Variants in KLRC2 observed in about 807,000 individuals in gnomAD.
KLRC2 encodes killer cell lectin like receptor C2, also known as NKG2-C type II integral membrane protein.
In KLRC2, 10 loss-of-function variants were observed where a neutral mutation model predicts 25.5. The observed-to-expected ratio is 0.39, with a 90% CI of 0.24 to 0.67. The LOEUF (loss-of-function observed/expected upper bound fraction) is 0.67, where lower values mean the gene tolerates loss of function less well. KLRC2 is among the 30% of genes least tolerant of loss of function. The probability of loss-of-function intolerance (pLI) is 0.45; values close to 1 mark genes in which losing one functional copy is unlikely to be tolerated. For missense variants in KLRC2, 170 were observed against 272.8 expected (o/e 0.62, Z 2.65); for synonymous variants, 48 against 93.3 (o/e 0.51, Z 2.80).
intron 5 of KLRC2, among the ~76,000 whole-genome samples, chr12:10,431,588 T>C (rs1425195728): frequency 7.1e-6 from 1 of 141,696 alleles, no homozygotes; most frequent in African/African-American, 2.7e-5. Flanking sequence ...CCAACAGCAC[T>C]ATTATTGTGC....
chr12:10,434,056 AC>A, intron 3 of KLRC2, 114 bp from the exon 4 acceptor site: 1 of 1,392,206 alleles, frequency 7.2e-7, no homozygotes, highest in Non-Finnish European at 9.7e-7. Context: ...ACGCATCCTT[AC>A]AGGCTTATAA....
intron 3 of KLRC2, 166 bp downstream of exon 3, chr12:10,434,320 C>T: frequency 3.3e-6 from 2 of 607,526 alleles, no homozygotes; most frequent in Non-Finnish European, 6.1e-6. Flanking sequence ...AGTATTTCTA[C>T]TCACTGGAGA....
Position 10,435,291 on chromosome 12 carries a change from ATCTTT to A in KLRC2, c.286+16_286+20del, listed in dbSNP as rs1247407732. 1.2e-6 allele frequency: 2 copies of A among 1,611,444 alleles called. No individual in the cohort carries two copies. The highest frequency in any genetic ancestry group is 2.7e-5 in the African/African-American group (2 of 74,144). ...CATTAAAGTAAAACGTTCCCTTCTA[ATCTTT>A]CAAGAATATGCTTACAAGGAATAAG... On this transcript the variant is annotated intron_variant, in intron 2 of 5. Coordinates refer to ENST00000381902, the MANE Select transcript of KLRC2 (RefSeq NM_002260.4).
Position 10,435,971 on chromosome 12 carries a change from C to T in KLRC2, c.16G>A (p.Gly6Arg), listed in dbSNP as rs774199589. MNKQR[G>R]TFSEVSLAQD... ...GCCAGACTCACTTCTGAGAAGGTTC[C>T]TCTTTGTTTATTCATCTCTGCAGCT... is the stretch of plus-strand genomic sequence containing the variant. The change falls in exon 1 of 6, where the codon GGA becomes AGA. Residue 6 changes from glycine (G) to arginine (R), a missense_variant. Gly to Arg is a moderately radical substitution (Grantham distance 125). This residue lies in a region of KLRC2 where 37 missense variants were observed against 68.0 expected (regional missense o/e 0.54). Transcript: ENST00000381902. 5 of 1,607,148 alleles carry T rather than the reference C, an allele frequency of 3.1e-6. No homozygotes were observed. Among genetic ancestry groups the T allele is most frequent in the Non-Finnish European group, 4.2e-6 (5 of 1,176,958 alleles).
chr12:10,434,268 C>G, intron 3 of KLRC2: 1 of 583,286 alleles, frequency 1.7e-6, no homozygotes, highest in Non-Finnish European at 3.2e-6. Context: ...CAGTAGGAAA[C>G]CTCTGTTAAT....
At chr12:10,434,356 T>C (rs1863847124) in intron 3 of KLRC2, 130 bp downstream of exon 3, 2 of 701,726 alleles carry the variant, frequency 2.9e-6, no homozygotes, top group Non-Finnish European at 5.0e-6. Flanking sequence ...TCATAATCTT[T>C]CTTTATAAAT....
At chr12:10,433,466 C>T (rs550739365) in intron 4 of KLRC2, among the ~76,000 whole-genome samples, 1 of 142,178 alleles carries the variant, frequency 7.0e-6, no homozygotes, top group Admixed American at 6.9e-5. Context: ...ATTTCATGAT[C>T]TGACTTGTAT....
In KLRC2 at chr12:10,434,300, A is replaced by T. The variant is rs1331955003; in HGVS notation, c.331+186T>A. The stretch of plus-strand genomic sequence containing the variant: ...TAATTGGGAGAAAGAGGGTAGAATG[A>T]TTTTAAGTGAGTATTTCTACTCACT... On this transcript the variant is annotated intron_variant, in intron 3 of 5. Coordinates refer to ENST00000381902, the MANE Select transcript of KLRC2 (RefSeq NM_002260.4). 5 of 592,988 alleles carry T rather than the reference A, an allele frequency of 8.4e-6. No homozygotes were observed. In the Admixed American group the frequency reaches 1.1e-4, roughly 13 times the overall value. 36.7% of individuals were successfully genotyped at this position (592,988 alleles called of 1,614,324 possible). A position where few individuals can be genotyped will look rare whatever the true frequency, so the allele number is the denominator to read the frequency against.
At position 10,432,139 on chromosome 12, in the gene KLRC2, C is replaced by T. The variant is rs771158909; in HGVS notation, c.551G>A (p.Trp184Ter). The T allele has an allele frequency of 1.2e-5, 18 of 1,531,486 alleles. 3 individuals are homozygous for T. The South Asian group carries it at 2.0e-4, about 17-fold the overall frequency. 94.9% of individuals were successfully genotyped at this position (1,531,486 alleles called of 1,614,324 possible). A position where few individuals can be genotyped will look rare whatever the true frequency, so the allele number is the denominator to read the frequency against. Reference sequence around the variant, plus strand: ...GAAAGCCAAACCATTTATTGTCACCCATGGATGATGACTGCTGTTACGAAA... The same window carrying T: ...GAAAGCCAAACCATTTATTGTCACCTATGGATGATGACTGCTGTTACGAAA... ...GVFRNSSHHP[W>*]VTINGLAFKH... Residue 184 changes from tryptophan to a stop codon, truncating the protein, a stop_gained, in exon 5 of 6, where the codon TGG becomes TAG. Coordinates refer to ENST00000381902, the MANE Select transcript of KLRC2 (RefSeq NM_002260.4). LOFTEE classifies it low-confidence loss of function (END_TRUNC).
chr12:10,432,860 A>T (rs1863830019), intron 4 of KLRC2, among the ~76,000 whole-genome samples: 1 of 136,724 alleles, frequency 7.3e-6, no homozygotes, highest in South Asian at 2.3e-4. Context: ...TGAGCATGTT[A>T]AGTCCTCCAC....
chr12:10,435,589 C>T (rs1307642124), intron 1 of KLRC2, among the ~76,000 whole-genome samples, 179 bp from the exon 2 acceptor site: 1 of 143,618 alleles, frequency 7.0e-6, no homozygotes, highest in Non-Finnish European at 1.5e-5. Context: ...ATTTCATTTT[C>T]AGTAAATATA....
At position 10,431,069 on chromosome 12, in the gene KLRC2, A is replaced by G. The variant is rs763207462; in HGVS notation, c.*48T>C. On this transcript the variant is annotated 3_prime_UTR_variant, in exon 6 of 6. Coordinates refer to ENST00000381902, the MANE Select transcript of KLRC2 (RefSeq NM_002260.4). ...ATGCAATCATAATATTTCTATTTTA[A>G]GAAATATAAAATGTATCTGATGCAC... is the stretch of plus-strand genomic sequence containing the variant. 1.5e-5 allele frequency: 19 copies of G among 1,286,526 alleles called. 6 individuals carry two copies. The East Asian group carries it at 4.9e-4, about 33-fold the overall frequency. The allele number at this position is 1,286,526 out of a possible 1,614,324, so 79.7% of individuals were successfully genotyped here. A position where few individuals can be genotyped will look rare whatever the true frequency, so the allele number is the denominator to read the frequency against.
In KLRC2 at chr12:10,434,072, A is replaced by G. The variant is rs548566221; in HGVS notation, c.332-130T>C. 57 of 1,324,892 alleles carry G rather than the reference A, an allele frequency of 4.3e-5. 8 individuals are homozygous for G. The highest frequency in any genetic ancestry group is 2.3e-5 in the Admixed American group (1 of 43,984). 82.1% of individuals were successfully genotyped at this position (1,324,892 alleles called of 1,614,324 possible). A position where few individuals can be genotyped will look rare whatever the true frequency, so the allele number is the denominator to read the frequency against. On this transcript the variant is annotated intron_variant, in intron 3 of 5. Coordinates refer to ENST00000381902, the MANE Select transcript of KLRC2 (RefSeq NM_002260.4). ...CGCATCCTTACAGGCTTATAAATGT[A>G]TATTTTTAATAACTGAGTCAGTCAT...
At chr12:10,434,184 C>A (rs571048586) in intron 3 of KLRC2, 2 of 698,120 alleles carry the variant, frequency 2.9e-6, no homozygotes, top group Non-Finnish European at 4.8e-6. Context: ...ACACTCTACA[C>A]ATGTGTTGAA....
Position 10,435,641 on chromosome 12 carries a change from C to T in KLRC2, c.187+159G>A, listed in dbSNP as rs562844385. On this transcript the variant is annotated intron_variant, in intron 1 of 5. Coordinates refer to ENST00000381902, the MANE Select transcript of KLRC2 (RefSeq NM_002260.4). ...CCGCAGATTACAGTTGAACAATGCCCGAATAAAATTAGTCTTCTGATTTCA... is the reference window on the plus strand; with the variant it reads ...CCGCAGATTACAGTTGAACAATGCCTGAATAAAATTAGTCTTCTGATTTCA... Among the ~76,000 whole-genome samples, 27 of 141,450 alleles carry T rather than the reference C, an allele frequency of 1.9e-4. 4 individuals are homozygous for T. Among genetic ancestry groups the T allele is most frequent in the East Asian group, 8.4e-4 (4 of 4,738 alleles). 92.8% of individuals were successfully genotyped at this position (141,450 alleles called of 152,430 possible). A position where few individuals can be genotyped will look rare whatever the true frequency, so the allele number is the denominator to read the frequency against.
In KLRC2 at chr12:10,431,073, A is replaced by G; in HGVS notation, c.*44T>C. 7.7e-7 allele frequency: 1 copy of G among 1,302,070 alleles called. No individual in the cohort carries two copies. Among genetic ancestry groups the G allele is most frequent in the South Asian group, 1.3e-5 (1 of 77,920 alleles). 80.7% of individuals were successfully genotyped at this position (1,302,070 alleles called of 1,614,324 possible). ...AATCATAATATTTCTATTTTAAGAAATATAAAATGTATCTGATGCACTGCA... is the reference window on the plus strand; with the variant it reads ...AATCATAATATTTCTATTTTAAGAAGTATAAAATGTATCTGATGCACTGCA... On this transcript the variant is annotated 3_prime_UTR_variant, in exon 6 of 6. Transcript: ENST00000381902.
In KLRC2 at chr12:10,435,608, T is replaced by C. The variant is rs1272821992; in HGVS notation, c.187+192A>G. 6.3e-5 allele frequency among the ~76,000 whole-genome samples: 9 copies of C among 142,196 alleles called. 1 individual carries two copies. Among genetic ancestry groups the C allele is most frequent in the African/African-American group, 2.4e-4 (9 of 37,232 alleles). 93.3% of individuals were successfully genotyped at this position (142,196 alleles called of 152,430 possible). A position where few individuals can be genotyped will look rare whatever the true frequency, so the allele number is the denominator to read the frequency against. ...CATTTTCAGTAAATATAATGTTCCA[T>C]GAGTGGACCGCAGATTACAGTTGAA... On this transcript the variant is annotated intron_variant, in intron 1 of 5. Coordinates refer to ENST00000381902, the MANE Select transcript of KLRC2 (RefSeq NM_002260.4).
chr12:10,431,560 A>G (rs796754666), intron 5 of KLRC2, among the ~76,000 whole-genome samples: 1 of 141,772 alleles, frequency 7.1e-6, no homozygotes. Context: ...CTAATAATAA[A>G]AAAATTATAG....
chr12:10,433,176 G>A (rs1452025839), intron 4 of KLRC2, among the ~76,000 whole-genome samples: 1 of 141,576 alleles, frequency 7.1e-6, no homozygotes, highest in East Asian at 2.1e-4. Flanking sequence ...CCCATCCAGA[G>A]ACAAGGACTC....
Sources: gnomAD v4.1 joint callset for allele counts (sites outside exome capture counted in the v4.1 genomes callset) on GRCh38, gnomAD v4.1.1 for gene constraint, gnomAD v4.1.1 regional missense constraint, MANE v1.5 for transcripts, NCBI Gene and HGNC (gene_info 2026-07-23, HGNC 2026-07-21) for gene names.